FBXL17: variants seen among roughly 807,000 people sequenced by gnomAD.
FBXL17 encodes F-box/LRR-repeat protein 17.
In FBXL17, 22 loss-of-function variants were observed where a neutral mutation model predicts 66.2. The observed-to-expected ratio is 0.33, with a 90% CI of 0.24 to 0.47. FBXL17 has a LOEUF of 0.47. Ranked by LOEUF, FBXL17 falls within the 20% of genes least tolerant of loss-of-function variation. The pLI, the probability that FBXL17 is intolerant of heterozygous loss-of-function variation, is 1.00. For missense variants in FBXL17, 878 were observed against 948.2 expected (o/e 0.93, Z 0.97); for synonymous variants, 474 against 400.5 (o/e 1.18, Z -2.19).
intron 4 of FBXL17, among the ~76,000 whole-genome samples, chr5:108,274,685 G>C (rs1358138351): frequency 6.6e-6 from 1 of 152,160 alleles, no homozygotes; most frequent in African/African-American, 2.4e-5. Flanking sequence ...TACAATTTAT[G>C]TTTAGAGATT....
intron 5 of FBXL17, among the ~76,000 whole-genome samples, chr5:108,200,244 T>C (rs1753836366): frequency 6.6e-6 from 1 of 152,000 alleles, no homozygotes; most frequent in South Asian, 2.1e-4. Flanking sequence ...TCCCACTAAA[T>C]GCAGCCTGCA....
chr5:108,014,369 G>A (rs1363366749), intron 7 of FBXL17, among the ~76,000 whole-genome samples: 8 of 152,064 alleles, frequency 5.3e-5, no homozygotes, highest in African/African-American at 1.9e-4. Flanking sequence ...TAAGGGGTAA[G>A]CACGCAAAAA....
At chr5:108,101,976 C>G (rs913283368) in intron 6 of FBXL17, among the ~76,000 whole-genome samples, 2 of 152,190 alleles carry the variant, frequency 1.3e-5, no homozygotes, top group Non-Finnish European at 2.9e-5. Flanking sequence ...AATGGGTTCA[C>G]AGGTTCCCAG....
chr5:107,891,589 A>C (rs1749198945), intron 7 of FBXL17, among the ~76,000 whole-genome samples: 1 of 152,150 alleles, frequency 6.6e-6, no homozygotes, highest in South Asian at 2.1e-4. Flanking sequence ...GATAGGACCA[A>C]CAGCATATGC....
At chr5:108,091,779 A>G (rs1351815250) in intron 6 of FBXL17, among the ~76,000 whole-genome samples, 1 of 152,196 alleles carries the variant, frequency 6.6e-6, no homozygotes, top group Non-Finnish European at 1.5e-5. Context: ...TTAATTTGTG[A>G]ATTCCTTAAA....
chr5:108,240,713 C>A (rs1372815734), intron 4 of FBXL17, among the ~76,000 whole-genome samples: 1 of 152,166 alleles, frequency 6.6e-6, no homozygotes, highest in Non-Finnish European at 1.5e-5. Context: ...TGACTGAACA[C>A]AGGCAGTAGC....
At chr5:108,377,689 T>A (rs561730202) in intron 1 of FBXL17, among the ~76,000 whole-genome samples, 6 of 152,256 alleles carry the variant, frequency 3.9e-5, no homozygotes, top group African/African-American at 1.4e-4. Context: ...TTTATACTTG[T>A]GTGTGGAAAG....
chr5:108,159,732 C>T (rs550968342), intron 6 of FBXL17, among the ~76,000 whole-genome samples: 2 of 152,280 alleles, frequency 1.3e-5, no homozygotes, highest in East Asian at 1.9e-4. Flanking sequence ...TAAAGATACA[C>T]TCAAAAGTGT....
At chr5:108,347,321 G>A (rs994278699) in intron 4 of FBXL17, among the ~76,000 whole-genome samples, 8 of 152,086 alleles carry the variant, frequency 5.3e-5, no homozygotes, top group African/African-American at 1.9e-4. Context: ...AATCTTACAG[G>A]ACCACTACTG....
At chr5:108,182,501 T>C (rs1342939678) in intron 6 of FBXL17, among the ~76,000 whole-genome samples, 2 of 152,156 alleles carry the variant, frequency 1.3e-5, no homozygotes. Context: ...ACAGGATAAG[T>C]GCAAGTAGTG....
intron 7 of FBXL17, among the ~76,000 whole-genome samples, chr5:107,956,093 T>C (rs74455948): frequency 6.6e-6 from 1 of 152,056 alleles, no homozygotes. Flanking sequence ...AAAAACATAA[T>C]CATTGTGTAG....
chr5:107,870,865 A>G (rs1464328012), intron 8 of FBXL17, among the ~76,000 whole-genome samples: 4 of 151,980 alleles, frequency 2.6e-5, no homozygotes, highest in Non-Finnish European at 2.9e-5. Context: ...GGTTAATACA[A>G]TTTTAAGATA....
intron 6 of FBXL17, among the ~76,000 whole-genome samples, chr5:108,058,417 TC>T (rs1747794816): frequency 3.5e-5 from 1 of 28,970 alleles, no homozygotes; most frequent in Non-Finnish European, 7.2e-5. Flanking sequence ...TCTTTCTCTT[TC>T]TTTCTTCTTT....
chr5:108,052,817 C>G (rs902443867), intron 6 of FBXL17, among the ~76,000 whole-genome samples: 7 of 152,178 alleles, frequency 4.6e-5, no homozygotes, highest in Non-Finnish European at 8.8e-5. Flanking sequence ...CCACAGCAAC[C>G]AAAACAGCAT....
intron 4 of FBXL17, among the ~76,000 whole-genome samples, chr5:108,344,854 C>A (rs983031907): frequency 6.6e-6 from 1 of 152,114 alleles, no homozygotes; most frequent in Non-Finnish European, 1.5e-5. Flanking sequence ...GATATAAAAC[C>A]TATCACTAGA....
Position 108,278,743 on chromosome 5 carries a change from C to T in FBXL17, c.1507-54515G>A, listed in dbSNP as rs564551046. 2.6e-5 allele frequency among the ~76,000 whole-genome samples: 4 copies of T among 152,292 alleles called. No homozygotes were observed. The South Asian group carries it at 8.3e-4, about 32-fold the overall frequency. ...TGACCCCACCCTCCCTGTGGCTGGA[C>T]CTCAATGCTGCAGTAGCCACCACTC... On this transcript the variant is annotated intron_variant, in intron 4 of 8. Coordinates refer to ENST00000542267, the MANE Select transcript of FBXL17 (RefSeq NM_001163315.3).
At chr5:108,245,757 T>C (rs1213801656) in intron 4 of FBXL17, among the ~76,000 whole-genome samples, 1 of 152,200 alleles carries the variant, frequency 6.6e-6, no homozygotes, top group Non-Finnish European at 1.5e-5. Flanking sequence ...AAGTCTTTTA[T>C]ACAAATCTGT....
At chr5:107,935,834 C>G (rs554495682) in intron 7 of FBXL17, among the ~76,000 whole-genome samples, 1 of 152,174 alleles carries the variant, frequency 6.6e-6, no homozygotes, top group Admixed American at 6.6e-5. Context: ...GGAGGGGAAG[C>G]AAAGATTGTA....
chr5:108,057,321 A>G (rs1365574026), intron 6 of FBXL17, among the ~76,000 whole-genome samples: 3 of 152,220 alleles, frequency 2.0e-5, no homozygotes, highest in Non-Finnish European at 4.4e-5. Flanking sequence ...GTGTTGTGAA[A>G]TTAATAGATT....
Sources: gnomAD v4.1 joint callset for allele counts (sites outside exome capture counted in the v4.1 genomes callset) on GRCh38, gnomAD v4.1.1 for gene constraint, MANE v1.5 for transcripts, NCBI Gene and HGNC (gene_info 2026-07-23, HGNC 2026-07-21) for gene names.